The following GADL1 variants were observed in gnomAD, a reference collection of about 807,000 sequenced individuals.
GADL1 encodes GAD like acidic amino acid decarboxylase 1.
In GADL1, 71 loss-of-function variants were observed where a neutral mutation model predicts 69.5. The ratio of observed to expected loss-of-function variants is 1.02; its 90% CI spans 0.84 to 1.25. The LOEUF (loss-of-function observed/expected upper bound fraction) is 1.25, where lower values mean the gene tolerates loss of function less well. Among genes scored for constraint, GADL1 ranks in the 50% most tolerant of loss-of-function variants. GADL1 has a pLI of 0.00. For missense variants in GADL1, 737 were observed against 631.8 expected (o/e 1.17, Z -1.79); for synonymous variants, 254 against 214.4 (o/e 1.18, Z -1.62).
At chr3:30,751,181 T>C (rs911534650) in intron 14 of GADL1, among the ~76,000 whole-genome samples, 1 of 152,060 alleles carries the variant, frequency 6.6e-6, no homozygotes, top group Non-Finnish European at 1.5e-5. Flanking sequence ...GTTCAGCCTC[T>C]GATTGAGGGC....
chr3:30,790,227 A>G (rs1202537890), intron 12 of GADL1, among the ~76,000 whole-genome samples: 2 of 152,158 alleles, frequency 1.3e-5, no homozygotes, highest in African/African-American at 2.4e-5. Context: ...TGAAGAGGAG[A>G]GAGATGGGAA....
chr3:30,776,096 T>G (rs558031781), intron 14 of GADL1, among the ~76,000 whole-genome samples: 1 of 151,720 alleles, frequency 6.6e-6, no homozygotes, highest in East Asian at 1.9e-4. Context: ...AAAAAAAAAA[T>G]GCATTATATT....
At chr3:30,739,103 C>T (rs1417920255) in intron 14 of GADL1, among the ~76,000 whole-genome samples, 2 of 152,166 alleles carry the variant, frequency 1.3e-5, no homozygotes, top group Non-Finnish European at 2.9e-5. Context: ...AATAATTTTA[C>T]ATTGTAGAAC....
At chr3:30,780,833 A>AT (rs1435002990) in intron 13 of GADL1, among the ~76,000 whole-genome samples, 16 of 152,154 alleles carry the variant, frequency 1.1e-4, no homozygotes, top group Non-Finnish European at 8.8e-5. Context: ...TTGATGTTTC[A>AT]TTTGGAATAT....
chr3:30,866,743 T>C (rs1479289342), intron 1 of GADL1, among the ~76,000 whole-genome samples: 1 of 152,030 alleles, frequency 6.6e-6, no homozygotes, highest in East Asian at 2.0e-4. Flanking sequence ...TTCCTAGACC[T>C]TCTGCCTTGT....
At chr3:30,761,719 G>A (rs1054053960) in intron 14 of GADL1, among the ~76,000 whole-genome samples, 1 of 122,042 alleles carries the variant, frequency 8.2e-6, no homozygotes, top group African/African-American at 3.0e-5. Context: ...GAGGGAAGTA[G>A]ACAAAGTAAC....
intron 1 of GADL1, among the ~76,000 whole-genome samples, chr3:30,878,714 C>T (rs1398402090): frequency 2.0e-5 from 3 of 151,864 alleles, no homozygotes; most frequent in African/African-American, 7.2e-5. Context: ...CTAGCTGAAG[C>T]AGTCAATTCC....
chr3:30,866,539 G>A (rs1291734416), intron 1 of GADL1, among the ~76,000 whole-genome samples: 1 of 151,958 alleles, frequency 6.6e-6, no homozygotes, highest in African/African-American at 2.4e-5. Context: ...GAAAGGGGAG[G>A]TCTTCTCAGA....
intron 9 of GADL1, among the ~76,000 whole-genome samples, chr3:30,837,472 T>C (rs1297047994): frequency 6.6e-6 from 1 of 152,268 alleles, no homozygotes; most frequent in East Asian, 1.9e-4. Flanking sequence ...CTTATAAAGA[T>C]GTTTTCTTCA....
At chr3:30,792,026 C>T (rs1696932521) in intron 12 of GADL1, among the ~76,000 whole-genome samples, 1 of 152,134 alleles carries the variant, frequency 6.6e-6, no homozygotes, top group Non-Finnish European at 1.5e-5. Flanking sequence ...TGCCCAGTCT[C>T]AGGTATGTCT....
At position 30,861,758 on chromosome 3, in the gene GADL1, A is replaced by T. The variant is rs1698324596; in HGVS notation, c.45T>A (p.Ile15=). ...TACTTGGAATCATCTCTTGTTGATCAATATCTCCTGGAAGCAAGCAAACAA... is the reference window on the plus strand; with the variant it reads ...TACTTGGAATCATCTCTTGTTGATCTATATCTCCTGGAAGCAAGCAAACAA... The part of the protein sequence containing the change: ...SDRQCPVDGD[I]DQQEMIPSKK... Residue 15 remains isoleucine (I), a synonymous_variant, in exon 2 of 15, where the codon ATT becomes ATA. Coordinates refer to ENST00000282538, the MANE Select transcript of GADL1 (RefSeq NM_207359.3). 6.5e-7 allele frequency: 1 copy of T among 1,544,108 alleles called. No homozygotes were observed. The highest frequency in any genetic ancestry group is 1.2e-5 in the South Asian group (1 of 82,398).
At chr3:30,829,445 A>G (rs1331195236) in intron 11 of GADL1, among the ~76,000 whole-genome samples, 1 of 151,872 alleles carries the variant, frequency 6.6e-6, no homozygotes, top group African/African-American at 2.4e-5. Context: ...TTACTAAGTA[A>G]TTTCTTTTAA....
At chr3:30,820,835 G>T (rs1697564183) in intron 11 of GADL1, among the ~76,000 whole-genome samples, 1 of 151,610 alleles carries the variant, frequency 6.6e-6, no homozygotes, top group Admixed American at 6.6e-5. Context: ...TATACCCAAA[G>T]GACTATAAAT....
intron 11 of GADL1, among the ~76,000 whole-genome samples, chr3:30,823,959 A>G (rs1397777159): frequency 6.6e-6 from 1 of 151,870 alleles, no homozygotes; most frequent in Non-Finnish European, 1.5e-5. Context: ...AAATTAAGGA[A>G]CATACAAAAT....
chr3:30,827,701 C>T (rs1003680414), intron 11 of GADL1, among the ~76,000 whole-genome samples: 1 of 151,704 alleles, frequency 6.6e-6, no homozygotes, highest in African/African-American at 2.4e-5. Flanking sequence ...AGAAAATTAC[C>T]CGTTGCTTAT....
chr3:30,804,747 C>T (rs927320573), intron 11 of GADL1, among the ~76,000 whole-genome samples: 1 of 152,232 alleles, frequency 6.6e-6, no homozygotes, highest in Non-Finnish European at 1.5e-5. Context: ...ATACTGAGGT[C>T]TATCTTCCTC....
In GADL1 at chr3:30,728,021, C is replaced by CTT; in HGVS notation, c.*220_*221insAA. 8.2e-5 allele frequency: 34 copies of CTT among 412,876 alleles called. No individual in the cohort carries two copies. The highest frequency in any genetic ancestry group is 1.1e-4 in the Non-Finnish European group (25 of 228,246). The allele number at this position is 412,876 out of a possible 1,614,324, so 25.6% of individuals were successfully genotyped here. A position where few individuals can be genotyped will look rare whatever the true frequency, so the allele number is the denominator to read the frequency against. Reference sequence around the variant, plus strand: ...TTCCAGGGGCATTCCTTGAGAAAATCATTTTTTTTTTTAAACTTTCTTCTT... The same window carrying CTT: ...TTCCAGGGGCATTCCTTGAGAAAATCTTATTTTTTTTTTTAAACTTTCTTCTT... On this transcript the variant is annotated 3_prime_UTR_variant, in exon 15 of 15. Transcript: ENST00000282538.
At chr3:30,848,977 CTGGGCTCACAGA>C (rs1559360440) in intron 6 of GADL1, among the ~76,000 whole-genome samples, 1 of 152,156 alleles carries the variant, frequency 6.6e-6, no homozygotes, top group Non-Finnish European at 1.5e-5. Flanking sequence ...CATCTTGGGT[CTGGGCTCACAGA>C]TGGGATTTTG....
chr3:30,755,686 G>A (rs1559488872), intron 14 of GADL1, among the ~76,000 whole-genome samples: 1 of 152,150 alleles, frequency 6.6e-6, no homozygotes, highest in Non-Finnish European at 1.5e-5. Flanking sequence ...ATTCAGGTCT[G>A]GGAGTCCTCC....
Sources: gnomAD v4.1 joint callset for allele counts (sites outside exome capture counted in the v4.1 genomes callset) on GRCh38, gnomAD v4.1.1 for gene constraint, MANE v1.5 for transcripts, NCBI Gene and HGNC (gene_info 2026-07-23, HGNC 2026-07-21) for gene names.